SECISBP2L: variants seen among roughly 807,000 people sequenced by gnomAD.
SECISBP2L encodes SECIS binding protein 2 like.
Under a neutral mutation model 114.7 loss-of-function variants are expected in SECISBP2L, and 43 were observed. That is an observed-to-expected ratio of 0.38 (90% confidence interval 0.29 to 0.48). SECISBP2L has a LOEUF of 0.48. Among genes scored for constraint, SECISBP2L ranks in the 20% least tolerant of loss-of-function variants. The pLI, the probability that SECISBP2L is intolerant of heterozygous loss-of-function variation, is 0.98. For synonymous variants in SECISBP2L, 451 were observed against 439.7 expected, an observed-to-expected ratio of 1.03 and a Z score of -0.32; for missense variants, 1,136 against 1,301.1, an observed-to-expected ratio of 0.87 and a Z score of 1.95.
chr15:49,030,717 A>G (rs1454144188), intron 4 of SECISBP2L, among the ~76,000 whole-genome samples: 1 of 152,212 alleles, frequency 6.6e-6, no homozygotes, highest in Non-Finnish European at 1.5e-5. Flanking sequence ...TCAATCTGAA[A>G]TAGATTTGCA....
At chr15:49,003,975 C>A (rs1248200342) in intron 14 of SECISBP2L, among the ~76,000 whole-genome samples, 1 of 152,070 alleles carries the variant, frequency 6.6e-6, no homozygotes, top group Non-Finnish European at 1.5e-5. Flanking sequence ...GGTAGGAGTC[C>A]CTCTTTTTCT....
chr15:49,014,688 GAA>G (rs1357707872), intron 11 of SECISBP2L, among the ~76,000 whole-genome samples: 1 of 150,314 alleles, frequency 6.7e-6, no homozygotes, highest in Non-Finnish European at 1.5e-5. Context: ...TCCTTTTCTT[GAA>G]CATGTGTATA....
intron 3 of SECISBP2L, among the ~76,000 whole-genome samples, chr15:49,035,036 T>A (rs1050392186): frequency 6.6e-6 from 1 of 152,210 alleles, no homozygotes; most frequent in Non-Finnish European, 1.5e-5. Flanking sequence ...TTACAAATGT[T>A]AGTGTCACCA....
intron 1 of SECISBP2L, among the ~76,000 whole-genome samples, chr15:49,039,871 C>T (rs1174486576): frequency 6.6e-6 from 1 of 152,158 alleles, no homozygotes; most frequent in African/African-American, 2.4e-5. Context: ...TGAGAACTCA[C>T]TGAGCAGTTT....
At chr15:49,034,719 T>C (rs138889616) in intron 3 of SECISBP2L, among the ~76,000 whole-genome samples, 31 of 150,112 alleles carry the variant, frequency 2.1e-4, no homozygotes, top group African/African-American at 7.6e-4. Flanking sequence ...CGCTGGAGTG[T>C]AGTGGTGCTA....
At chr15:48,994,310 T>G (rs922468769) in intron 17 of SECISBP2L, among the ~76,000 whole-genome samples, 1 of 152,216 alleles carries the variant, frequency 6.6e-6, no homozygotes, top group African/African-American at 2.4e-5. Flanking sequence ...ATCTGTTTAC[T>G]ACTCCCTTAG....
chr15:49,001,862 T>A (rs377681833), intron 14 of SECISBP2L: 2 of 152,238 alleles, frequency 1.3e-5, no homozygotes, highest in Admixed American at 6.5e-5. Flanking sequence ...CAGTCTATCA[T>A]TGATGAGCAT....
At chr15:48,994,367 C>T (rs528783348) in intron 17 of SECISBP2L, among the ~76,000 whole-genome samples, 7 of 152,242 alleles carry the variant, frequency 4.6e-5, no homozygotes, top group South Asian at 2.1e-4. Flanking sequence ...TCTTCGTAAC[C>T]GGTTTTGTGA....
chr15:49,030,353 C>CCT (rs1902860448), intron 4 of SECISBP2L, among the ~76,000 whole-genome samples: 1 of 152,168 alleles, frequency 6.6e-6, no homozygotes, highest in Non-Finnish European at 1.5e-5. Flanking sequence ...TCAAATACCC[C>CCT]CTCTCTTTCT....
At position 48,992,255 on chromosome 15, in the gene SECISBP2L, G is replaced by A. The variant is rs149856143; in HGVS notation, c.3295C>T (p.Gln1099Ter). The A allele has an allele frequency of 6.2e-7, 1 of 1,603,178 alleles. No homozygotes were observed. Among genetic ancestry groups the A allele is most frequent in the African/African-American group, 1.3e-5 (1 of 74,338 alleles). ...CGACATTTCCTGAGTTACGTAGTTTGCGTTGTGTAATTAGAATCAGAGTGC... is the reference window on the plus strand; with the variant it reads ...CGACATTTCCTGAGTTACGTAGTTTACGTTGTGTAATTAGAATCAGAGTGC... ...KEHSDSNYTTQTT is the reference protein window; with the variant it reads ...KEHSDSNYTT The change falls in exon 18 of 18, where the codon CAA (glutamine) becomes TAA (stop). Residue 1099 changes from glutamine (Q) to a stop codon, truncating the protein, a stop_gained. Transcript: ENST00000559471. LOFTEE classifies it high-confidence loss of function.
chr15:49,021,649 G>A lies in SECISBP2L; in HGVS notation c.1036-2097C>T, dbSNP rs1902641566. Among the ~76,000 whole-genome samples, 7 of 152,216 alleles carry A rather than the reference G, an allele frequency of 4.6e-5. No homozygotes were observed. The South Asian group carries it at 1.4e-3, about 32-fold the overall frequency. On this transcript the variant is annotated intron_variant, in intron 7 of 17. Transcript: ENST00000559471. The stretch of plus-strand genomic sequence containing the variant: ...CACCTGAATTCTCACGCTTGCTGTT[G>A]TAAACCAGAATTAGTATATATGTAT...
chr15:49,037,067 C>T (rs1437403798), intron 2 of SECISBP2L, among the ~76,000 whole-genome samples: 1 of 152,060 alleles, frequency 6.6e-6, no homozygotes, highest in Non-Finnish European at 1.5e-5. Context: ...AACACCCTAA[C>T]CACTAGGTTA....
intron 1 of SECISBP2L, among the ~76,000 whole-genome samples, chr15:49,038,095 C>A (rs1394340421): frequency 6.6e-6 from 1 of 151,948 alleles, no homozygotes; most frequent in Non-Finnish European, 1.5e-5. Flanking sequence ...GCTCTTCAGA[C>A]AAAACAATGT....
At chr15:49,018,141 G>A (rs1384065158) in intron 8 of SECISBP2L, among the ~76,000 whole-genome samples, 1 of 151,906 alleles carries the variant, frequency 6.6e-6, no homozygotes, top group Non-Finnish European at 1.5e-5. Flanking sequence ...GTACAGTTGA[G>A]TACATGTACT....
At chr15:48,996,245 A>T in intron 17 of SECISBP2L, 122 bp downstream of exon 17, 1 of 986,244 alleles carries the variant, frequency 1.0e-6, no homozygotes, top group South Asian at 1.7e-5. Context: ...GCAATGTTTT[A>T]AACCAAATTT....
intron 5 of SECISBP2L, 104 bp downstream of exon 5, chr15:49,028,349 A>G (rs920758987): frequency 2.7e-6 from 3 of 1,126,796 alleles, no homozygotes; most frequent in Admixed American, 4.3e-5. Flanking sequence ...TCCTATTACT[A>G]CAGGAATTGC....
chr15:49,045,159 G>A (rs946920841), intron 1 of SECISBP2L, among the ~76,000 whole-genome samples: 2 of 151,882 alleles, frequency 1.3e-5, no homozygotes, highest in Admixed American at 6.6e-5. Flanking sequence ...TGTCTTCAGA[G>A]TTACATTCAC....
intron 7 of SECISBP2L, among the ~76,000 whole-genome samples, chr15:49,024,840 T>C (rs1383651024): frequency 6.6e-6 from 1 of 152,172 alleles, no homozygotes; most frequent in African/African-American, 2.4e-5. Flanking sequence ...TAACAAAGCA[T>C]CAGAAGTAGA....
At chr15:49,046,181 G>A (rs1408872710) in intron 1 of SECISBP2L, 95 bp downstream of exon 1, 41 of 1,426,954 alleles carry the variant, frequency 2.9e-5, no homozygotes, top group East Asian at 1.9e-4. Context: ...CGCAGGACCG[G>A]CCCCCGGTCC....
Sources: allele counts gnomAD v4.1 joint callset (sites outside exome capture counted in the v4.1 genomes callset), GRCh38; gene constraint gnomAD v4.1.1; transcripts MANE v1.5; gene names NCBI Gene and HGNC (gene_info 2026-07-23, HGNC 2026-07-21).